HS1BP3: variants seen among roughly 807,000 people sequenced by gnomAD.
The protein encoded by HS1BP3 is HCLS1-binding protein 3.
In HS1BP3, 32 loss-of-function variants were observed where a neutral mutation model predicts 33.5. That is an observed-to-expected ratio of 0.95 (90% CI 0.72 to 1.28). The LOEUF is 1.28. Among genes scored for constraint, HS1BP3 ranks in the 50% most tolerant of loss-of-function variants. HS1BP3 has a pLI of 0.00. For synonymous variants in HS1BP3, 187 were observed against 209.2 expected (o/e 0.89, Z 0.92); for missense variants, 486 against 502.3 (o/e 0.97, Z 0.31).
chr2:20,611,886 C>T lies in HS1BP3; in HGVS notation c.178+12010G>A, dbSNP rs958477966. On this transcript the variant is annotated intron_variant, in intron 2 of 3. Transcript: ENST00000415264. The surrounding 1 kb of genome is among the most constrained non-coding windows in gnomAD (Gnocchi z 4.9). ...CACAGCCTCCTCCCGCACCTACAAC[C>T]ACCCTCCATGGAGAGCAAGCCATCA... 3.3e-5 allele frequency among the ~76,000 whole-genome samples: 5 copies of T among 152,220 alleles called. No individual in the cohort carries two copies. The highest frequency in any genetic ancestry group is 5.9e-5 in the Non-Finnish European group (4 of 68,038).
intron 2 of HS1BP3, among the ~76,000 whole-genome samples, chr2:20,607,533 G>A (rs978362161): frequency 3.4e-4 from 52 of 152,282 alleles, no homozygotes; most frequent in African/African-American, 1.2e-3. Context: ...GAATGGTCTT[G>A]GCACCCTTGT....
At position 20,582,226 on chromosome 2, in the gene HS1BP3, T is replaced by C. The variant is rs567177113; in HGVS notation, c.303-21711A>G. Among the ~76,000 whole-genome samples the C allele has an allele frequency of 3.0e-4, 45 of 152,236 alleles. 2 individuals are homozygous for C. The highest frequency in any genetic ancestry group is 2.4e-4 in the Non-Finnish European group (16 of 68,008). ...GGCTCCCATTCCACTGAAAAGAAAG[T>C]GAAGCCCCAGGCAGTGTAGAATAGC... On this transcript the variant is annotated intron_variant, in intron 5 of 5. Coordinates refer to the HS1BP3 transcript ENST00000446825.
chr2:20,649,696 G>C (rs1695628557), intron 1 of HS1BP3, among the ~76,000 whole-genome samples: 1 of 152,222 alleles, frequency 6.6e-6, no homozygotes, highest in Non-Finnish European at 1.5e-5. Context: ...GGTGCGACTG[G>C]GAAGGGCCGG....
chr2:20,610,938 C>T (rs962515910), intron 2 of HS1BP3, among the ~76,000 whole-genome samples: 1 of 152,236 alleles, frequency 6.6e-6, no homozygotes, highest in African/African-American at 2.4e-5. Context: ...TGCCTCATGG[C>T]CCCTTGCAGC....
downstream of HS1BP3, among the ~76,000 whole-genome samples, chr2:20,616,170 C>T (rs148352185): frequency 6.8e-3 from 1,033 of 152,320 alleles, 5 homozygotes; most frequent in Middle Eastern, 0.014. Context: ...GCTGCAGGCT[C>T]CTGGCCTGAG....
chr2:20,645,289 GCCCGGAC>G, intron 2 of HS1BP3, 44 bp downstream of exon 2: 1 of 1,575,508 alleles, frequency 6.3e-7, no homozygotes, highest in East Asian at 2.2e-5. Context: ...GTGTCTGCCC[GCCCGGAC>G]CCCGGGCACC....
downstream of HS1BP3, among the ~76,000 whole-genome samples, chr2:20,590,166 C>T (rs944543618): frequency 2.6e-5 from 4 of 152,166 alleles, no homozygotes; most frequent in African/African-American, 9.6e-5. Context: ...GGCATTTGGC[C>T]CTGGTTTTCC....
intron 5 of HS1BP3, among the ~76,000 whole-genome samples, chr2:20,563,974 G>T (rs538330278): frequency 2.1e-4 from 32 of 152,090 alleles, no homozygotes; most frequent in Non-Finnish European, 7.4e-5. Flanking sequence ...TGACACATGT[G>T]ATGAGTTGTG....
intron 4 of HS1BP3, among the ~76,000 whole-genome samples, chr2:20,628,668 C>T (rs1243159498): frequency 6.6e-6 from 1 of 151,190 alleles, no homozygotes; most frequent in Non-Finnish European, 1.5e-5. Context: ...CATTAGCACA[C>T]AGGGTGTTCC....
downstream of HS1BP3, chr2:20,592,463 C>G (rs531830184): frequency 1.9e-3 from 322 of 167,384 alleles, 1 homozygote; most frequent in Non-Finnish European, 3.2e-3. Context: ...TGTCCCTGCC[C>G]GGCTCAGACT....
chr2:20,649,013 C>T (rs1284205101), intron 1 of HS1BP3, among the ~76,000 whole-genome samples: 2 of 151,940 alleles, frequency 1.3e-5, no homozygotes, highest in Non-Finnish European at 2.9e-5. Context: ...GCCGCCATCA[C>T]CCCGGGCCAA....
chr2:20,624,002 C>T lies in HS1BP3; in HGVS notation c.814G>A (p.Gly272Ser), dbSNP rs746318677. The T allele has an allele frequency of 2.5e-5, 40 of 1,612,394 alleles. No individual in the cohort carries two copies. Among genetic ancestry groups the T allele is most frequent in the East Asian group, 8.9e-5 (4 of 44,874 alleles). Residue 272 changes from glycine (G) to serine (S), a missense_variant, in exon 6 of 7, where the codon GGC becomes AGC. Gly to Ser is a moderately conservative substitution (Grantham distance 56). Coordinates refer to ENST00000304031, the MANE Select transcript of HS1BP3 (RefSeq NM_022460.4). ...GAGTCACCCAGGGGGATGGCCCCGCCGAGGTCAGGATCATCAAATAGCTTC... is the reference window on the plus strand; with the variant it reads ...GAGTCACCCAGGGGGATGGCCCCGCTGAGGTCAGGATCATCAAATAGCTTC... ...PLKLFDDPDL[G>S]GAIPLGDSLL...
chr2:20,587,913 T>C (rs1244367538), downstream of HS1BP3, among the ~76,000 whole-genome samples: 1 of 152,168 alleles, frequency 6.6e-6, no homozygotes, highest in East Asian at 1.9e-4. Context: ...ATCTTCTCCC[T>C]GTCTCAACGT....
At chr2:20,594,377 T>C (rs1693898088) in intron 3 of HS1BP3, among the ~76,000 whole-genome samples, 1 of 152,222 alleles carries the variant, frequency 6.6e-6, no homozygotes, top group Admixed American at 6.5e-5. Context: ...GAGTGGCTGA[T>C]GGCATCACAA....
chr2:20,558,303 G>A (rs143472115), downstream of HS1BP3, among the ~76,000 whole-genome samples: 730 of 152,278 alleles, frequency 4.8e-3, 11 homozygotes, highest in African/African-American at 0.017. Context: ...GAGGGGAAGA[G>A]CTTGGACCAC....
At chr2:20,583,464 C>T (rs1024687269) in intron 5 of HS1BP3, among the ~76,000 whole-genome samples, 1 of 152,124 alleles carries the variant, frequency 6.6e-6, no homozygotes, top group Non-Finnish European at 1.5e-5. Context: ...GGCAGCACAC[C>T]TGGACCTGTC....
At chr2:20,569,939 C>T (rs745438035) in intron 5 of HS1BP3, among the ~76,000 whole-genome samples, 3 of 152,260 alleles carry the variant, frequency 2.0e-5, no homozygotes, top group Non-Finnish European at 4.4e-5. Flanking sequence ...TCAGGACCCT[C>T]TGCCTGGTCA....
chr2:20,609,877 C>T (rs1230421163), intron 2 of HS1BP3, among the ~76,000 whole-genome samples: 1 of 152,072 alleles, frequency 6.6e-6, no homozygotes, highest in African/African-American at 2.4e-5. Context: ...GACTGGAAAC[C>T]CCTCCCACCA....
At chr2:20,576,602 C>T (rs1693405971) in intron 5 of HS1BP3, among the ~76,000 whole-genome samples, 1 of 152,240 alleles carries the variant, frequency 6.6e-6, no homozygotes, top group Non-Finnish European at 1.5e-5. Context: ...TCGCCTCCCT[C>T]ATTGTACTGT....
Sources: allele counts gnomAD v4.1 joint callset (sites outside exome capture counted in the v4.1 genomes callset), GRCh38; gene constraint gnomAD v4.1.1; non-coding constraint Gnocchi (gnomAD v3.1); transcripts MANE v1.5; gene names NCBI Gene and HGNC (gene_info 2026-07-23, HGNC 2026-07-21).